The following LRP6 variants were observed in gnomAD, a reference collection of about 807,000 sequenced individuals.
LRP6 encodes LDL receptor related protein 6.
LRP6 carries 43 observed loss-of-function variants against 184.1 expected under a neutral mutation model. That is an observed-to-expected ratio of 0.23 (90% CI 0.18 to 0.30). The LOEUF (loss-of-function observed/expected upper bound fraction) is 0.30. Ranked by LOEUF, LRP6 falls within the 10% of genes least tolerant of loss-of-function variation. LRP6 has a pLI of 1.00. For missense variants in LRP6, 1,571 were observed against 2,005.3 expected (o/e 0.78, Z 4.14); for synonymous variants, 719 against 684.9 (o/e 1.05, Z -0.78).
At chr12:12,192,378 T>C (rs1294120392) in intron 3 of LRP6, among the ~76,000 whole-genome samples, 3 of 146,854 alleles carry the variant, frequency 2.0e-5, no homozygotes, top group Non-Finnish European at 3.0e-5. Flanking sequence ...TGACATAAGA[T>C]AATTTAAAAA....
At position 12,120,029 on chromosome 12, in the gene LRP6, AT is replaced by A. The variant is rs1565519315; in HGVS notation, c.*1096del. On this transcript the variant is annotated 3_prime_UTR_variant, in exon 23 of 23. Transcript: ENST00000261349. ...TATATATATATATATATATATATAT[AT>A]ATATATATATATAAATGATTTCGTA... 21 of 115,362 alleles carry A rather than the reference AT, an allele frequency of 1.8e-4. No homozygotes were observed. The East Asian group carries it at 3.6e-3, about 20-fold the overall frequency. The allele number at this position is 115,362 out of a possible 1,614,324, so 7.1% of individuals were successfully genotyped here. A position where few individuals can be genotyped will look rare whatever the true frequency, so the allele number is the denominator to read the frequency against.
At position 12,159,773 on chromosome 12, in the gene LRP6, A is replaced by C; in HGVS notation, c.2464+7T>G. 6.2e-7 allele frequency: 1 copy of C among 1,613,922 alleles called. No individual in the cohort carries two copies. Among genetic ancestry groups the C allele is most frequent in the Non-Finnish European group, 8.5e-7 (1 of 1,179,794 alleles). ...ATACTGTTTGAGTAAAAAGTAGTAAAGCTTACCAAGCATATTTGAAGATTC... is the reference window on the plus strand; with the variant it reads ...ATACTGTTTGAGTAAAAAGTAGTAACGCTTACCAAGCATATTTGAAGATTC... On this transcript the variant is annotated splice_region_variant and intron_variant, in intron 11 of 22. Transcript: ENST00000261349.
chr12:12,201,120 T>A (rs1399453145), intron 3 of LRP6, among the ~76,000 whole-genome samples: 1 of 152,336 alleles, frequency 6.6e-6, no homozygotes, highest in Admixed American at 6.5e-5. Context: ...AAAAACCTAG[T>A]AGCTTGCTTT....
At chr12:12,262,060 T>G (rs1200420475) in intron 1 of LRP6, among the ~76,000 whole-genome samples, 2 of 152,094 alleles carry the variant, frequency 1.3e-5, no homozygotes, top group Admixed American at 6.5e-5. Flanking sequence ...CTGACCAATA[T>G]GGTGAAACCC....
intron 16 of LRP6, among the ~76,000 whole-genome samples, chr12:12,135,628 G>C (rs1206892296): frequency 2.0e-5 from 3 of 151,388 alleles, no homozygotes; most frequent in Non-Finnish European, 4.4e-5. Flanking sequence ...CGAGTAGCTG[G>C]GATTGCAGGT....
At chr12:12,177,322 C>T (rs1255505555) in intron 7 of LRP6, among the ~76,000 whole-genome samples, 1 of 152,142 alleles carries the variant, frequency 6.6e-6, no homozygotes, top group Non-Finnish European at 1.5e-5. Context: ...GGGGTTAGAT[C>T]AGTATCTGGA....
In LRP6 at chr12:12,125,388, C is replaced by G. The variant is rs200613079; in HGVS notation, c.4357G>C (p.Gly1453Arg). 5.6e-6 allele frequency: 9 copies of G among 1,613,754 alleles called. No individual in the cohort carries two copies. Among genetic ancestry groups the G allele is most frequent in the South Asian group, 1.1e-5 (1 of 91,066 alleles). Residue 1453 changes from glycine (G) to arginine (R), a missense_variant, in exon 21 of 23, where the codon GGG (glycine) becomes CGG (arginine). By Grantham distance (125) the Gly-to-Arg change is moderately radical. Transcript: ENST00000261349. ...TCATAGGGGGGTCCACTGCTTCCCCCCATGATACTGAGGGAGCTGATCATT... is the reference window on the plus strand; with the variant it reads ...TCATAGGGGGGTCCACTGCTTCCCCGCATGATACTGAGGGAGCTGATCATT... ...KSMISSLSIM[G>R]GSSGPPYDRA...
intron 1 of LRP6, among the ~76,000 whole-genome samples, chr12:12,253,714 A>C (rs992647278): frequency 5.9e-5 from 9 of 151,978 alleles, no homozygotes; most frequent in Non-Finnish European, 1.2e-4. Context: ...TTTCACTTTT[A>C]AGATTATCAG....
intron 2 of LRP6, among the ~76,000 whole-genome samples, chr12:12,238,265 AG>A (rs1864975077): frequency 6.6e-6 from 1 of 151,522 alleles, no homozygotes; most frequent in African/African-American, 2.4e-5. Context: ...ATAATGAGAG[AG>A]AAGATAAAAG....
chr12:12,191,235 C>A (rs1011920109), intron 3 of LRP6, among the ~76,000 whole-genome samples: 4 of 152,136 alleles, frequency 2.6e-5, no homozygotes, highest in Admixed American at 2.0e-4. Context: ...TCAAAATTGT[C>A]CTTCCCGGGC....
intron 15 of LRP6, among the ~76,000 whole-genome samples, chr12:12,141,893 C>A (rs541172056): frequency 6.6e-6 from 1 of 152,136 alleles, no homozygotes; most frequent in Non-Finnish European, 1.5e-5. Flanking sequence ...CAGGTGGGTC[C>A]TTTCTATCTG....
intron 1 of LRP6, among the ~76,000 whole-genome samples, chr12:12,253,641 T>C (rs1865383467): frequency 6.8e-6 from 1 of 147,036 alleles, no homozygotes; most frequent in Non-Finnish European, 1.5e-5. Flanking sequence ...GTTCTCACTG[T>C]TTAATTTCCA....
At chr12:12,244,207 T>G (rs1235981997) in intron 2 of LRP6, 55 bp downstream of exon 2, 1 of 1,580,518 alleles carries the variant, frequency 6.3e-7, no homozygotes, top group Non-Finnish European at 8.7e-7. Flanking sequence ...TGTATGTCAG[T>G]GGAGAAAAAC....
intron 1 of LRP6, among the ~76,000 whole-genome samples, chr12:12,245,702 A>C (rs1865166151): frequency 6.6e-6 from 1 of 152,194 alleles, no homozygotes; most frequent in Admixed American, 6.5e-5. Context: ...ATATAAAGCC[A>C]ATCTTACAGA....
intron 2 of LRP6, among the ~76,000 whole-genome samples, chr12:12,232,516 C>T (rs1433353851): frequency 6.7e-6 from 1 of 149,482 alleles, no homozygotes; most frequent in African/African-American, 2.4e-5. Flanking sequence ...CTCTGAAGAT[C>T]TGTTCACAGT....
chr12:12,196,101 T>C (rs769514095), intron 3 of LRP6, among the ~76,000 whole-genome samples: 70 of 152,184 alleles, frequency 4.6e-4, no homozygotes, highest in Admixed American at 1.2e-3. Flanking sequence ...AACTTTGTGG[T>C]ATATTTTGAA....
intron 2 of LRP6, among the ~76,000 whole-genome samples, chr12:12,208,699 C>A (rs7979804): frequency 9.3e-4 from 142 of 152,244 alleles, no homozygotes; most frequent in African/African-American, 3.2e-3. Context: ...TTCAATTTCT[C>A]CTCTAACCCC....
intron 12 of LRP6, 112 bp from the exon 13 acceptor site, chr12:12,151,150 G>A: frequency 1.0e-6 from 1 of 1,001,692 alleles, no homozygotes; most frequent in South Asian, 1.4e-5. Context: ...CATAGATGTT[G>A]AAGAGCTAAG....
intron 12 of LRP6, among the ~76,000 whole-genome samples, chr12:12,153,545 C>T (rs937628088): frequency 7.2e-5 from 11 of 152,102 alleles, no homozygotes; most frequent in Non-Finnish European, 1.6e-4. Context: ...AAATAAATAC[C>T]TGCTCCAAAA....
Sources: gnomAD v4.1 joint callset for allele counts (sites outside exome capture counted in the v4.1 genomes callset) on GRCh38, gnomAD v4.1.1 for gene constraint, MANE v1.5 for transcripts, NCBI Gene and HGNC (gene_info 2026-07-23, HGNC 2026-07-21) for gene names.